RSPH6A: variants seen among roughly 807,000 people sequenced by gnomAD.
RSPH6A encodes radial spoke head 6 homolog A.
A neutral mutation model predicts 66.1 loss-of-function variants in RSPH6A; 49 were observed. The ratio of observed to expected loss-of-function variants is 0.74; its 90% CI spans 0.59 to 0.94. The LOEUF (loss-of-function observed/expected upper bound fraction) is 0.94. RSPH6A is among the 40% of genes least tolerant of loss of function. The pLI, the probability that RSPH6A is intolerant of heterozygous loss-of-function variation, is 0.00. For synonymous variants in RSPH6A, 419 were observed against 402.4 expected (o/e 1.04, Z -0.49); for missense variants, 977 against 948.3 (o/e 1.03, Z -0.40).
intron 1 of RSPH6A, 148 bp from the exon 2 acceptor site, chr19:45,810,988 ATTTATT>A (rs897952724): frequency 1.2e-5 from 6 of 497,812 alleles, no homozygotes; most frequent in African/African-American, 9.9e-5. Flanking sequence ...ACATTTATTT[ATTTATT>A]TTTATTTATT....
At chr19:45,811,259 T>C (rs1237926351) in intron 1 of RSPH6A, among the ~76,000 whole-genome samples, 1 of 152,122 alleles carries the variant, frequency 6.6e-6, no homozygotes, top group Non-Finnish European at 1.5e-5. Context: ...CCCAAAGTGC[T>C]GGGATTACAG....
At position 45,795,888 on chromosome 19, in the gene RSPH6A, CCCTCCT is replaced by C; in HGVS notation, c.2129_2134del (p.Glu710_Glu711del). On this transcript the variant is annotated inframe_deletion, in exon 6 of 6. Transcript: ENST00000221538. ...TGGGCCTCAGTCATCTGTCTCCTCG[CCCTCCT>C]CCTCCTCCTCGCCCTCCTCCTCCTC... 2 of 1,574,456 alleles carry C rather than the reference CCCTCCT, an allele frequency of 1.3e-6. No homozygotes were observed. The highest frequency in any genetic ancestry group is 8.7e-7 in the Non-Finnish European group (1 of 1,155,384).
intron 2 of RSPH6A, among the ~76,000 whole-genome samples, chr19:45,809,248 G>T (rs1373646877): frequency 1.4e-5 from 2 of 146,982 alleles, no homozygotes; most frequent in Non-Finnish European, 3.0e-5. Context: ...TGATCCACCC[G>T]CCTCGGCCTC....
intron 3 of RSPH6A, among the ~76,000 whole-genome samples, chr19:45,803,584 G>T (rs535529800): frequency 6.6e-6 from 1 of 152,018 alleles, no homozygotes; most frequent in African/African-American, 2.4e-5. Flanking sequence ...GCTGAGGTGG[G>T]AGAATTCGCT....
rs760080479 is a variant in RSPH6A at position 45,804,608 on chromosome 19, C to T, written c.1297G>A (p.Glu433Lys). 46 of 1,614,026 alleles carry T rather than the reference C, an allele frequency of 2.9e-5. No individual in the cohort carries two copies. Among genetic ancestry groups the T allele is most frequent in the South Asian group, 2.1e-4 (19 of 91,084 alleles). Residue 433 changes from glutamate (E) to lysine (K), a missense_variant, in exon 3 of 6, where the codon GAG becomes AAG. Glu to Lys is a moderately conservative substitution (Grantham distance 56). Coordinates refer to ENST00000221538, the MANE Select transcript of RSPH6A (RefSeq NM_030785.4). This position sits in a 1 kb window ranked among gnomAD's most constrained non-coding sequence, Gnocchi z 5.8. Reference sequence around the variant, plus strand: ...AGCCGCGTCCATGGCAGGCCCGGCTCGTTGCACACAAAGTACAGGTACTTG... The same window carrying T: ...AGCCGCGTCCATGGCAGGCCCGGCTTGTTGCACACAAAGTACAGGTACTTG... ...ANKYLYFVCN[E>K]PGLPWTRLPH...
intron 3 of RSPH6A, among the ~76,000 whole-genome samples, chr19:45,802,832 T>C (rs1004264212): frequency 1.5e-4 from 22 of 151,038 alleles, no homozygotes; most frequent in African/African-American, 4.9e-4. Flanking sequence ...TTCTTTTTTT[T>C]TTTTGAGATG....
At chr19:45,799,877 T>C (rs1970448888) in intron 5 of RSPH6A, among the ~76,000 whole-genome samples, 2 of 152,130 alleles carry the variant, frequency 1.3e-5, no homozygotes, top group South Asian at 2.1e-4. Context: ...TGAAATCTTG[T>C]CTCCACTAAA....
In RSPH6A at chr19:45,795,888, C is replaced by A. The variant is rs1568596022; in HGVS notation, c.2135G>T (p.Gly712Val). Reference protein sequence around the residue: ...EEEEGEEEEEGEETDD With the variant: ...EEEEGEEEEEVEETDD The stretch of plus-strand genomic sequence containing the variant: ...TGGGCCTCAGTCATCTGTCTCCTCG[C>A]CCTCCTCCTCCTCCTCGCCCTCCTC... The change falls in exon 6 of 6, where the codon GGC becomes GTC. Residue 712 changes from glycine (G) to valine (V), a missense_variant. By Grantham distance (109) the Gly-to-Val change is moderately radical (BLOSUM62 -3). Coordinates refer to ENST00000221538, the MANE Select transcript of RSPH6A (RefSeq NM_030785.4). The A allele has an allele frequency of 2.5e-6, 4 of 1,574,528 alleles. No individual in the cohort carries two copies. Among genetic ancestry groups the A allele is most frequent in the African/African-American group, 1.4e-5 (1 of 73,172 alleles).
At position 45,810,639 on chromosome 19, in the gene RSPH6A, G is replaced by A. The variant is rs372858859; in HGVS notation, c.852C>T (p.Gly284=). 7.4e-6 allele frequency: 12 copies of A among 1,613,702 alleles called. No individual in the cohort carries two copies. The highest frequency in any genetic ancestry group is 2.7e-5 in the African/African-American group (2 of 74,770). Residue 284 remains glycine, a synonymous_variant, in exon 2 of 6, where the codon GGC becomes GGT. Transcript: ENST00000221538. ...KQKALFTRSG[G]GTEGEQEMEE... is the part of the protein sequence containing the mutation. ...CCATCTCCTGTTCGCCTTCAGTGCC[G>A]CCTCCACTCCGGGTGAACAGCGCCT...
rs1970612070 is a variant in RSPH6A, at chr19:45,810,628, C to T, written c.863G>A (p.Gly288Asp). The change falls in exon 2 of 6, where the codon GGC (glycine) becomes GAC (aspartate). Residue 288 changes from glycine to aspartate, a missense_variant. Transcript: ENST00000221538. The part of the protein sequence containing the change: ...LFTRSGGGTE[G>D]EQEMEEEVGE... Reference sequence around the variant, plus strand: ...CACCTCCTCCTCCATCTCCTGTTCGCCTTCAGTGCCGCCTCCACTCCGGGT... The same window carrying T: ...CACCTCCTCCTCCATCTCCTGTTCGTCTTCAGTGCCGCCTCCACTCCGGGT... 1 of 1,614,004 alleles carries T rather than the reference C, an allele frequency of 6.2e-7. No individual in the cohort carries two copies. Among genetic ancestry groups the T allele is most frequent in the Admixed American group, 1.7e-5 (1 of 59,990 alleles).
In RSPH6A at chr19:45,810,626, C is replaced by A. The variant is rs369485410; in HGVS notation, c.865G>T (p.Glu289Ter). 3.7e-6 allele frequency: 6 copies of A among 1,613,992 alleles called. No homozygotes were observed. Among genetic ancestry groups the A allele is most frequent in the Admixed American group, 1.7e-5 (1 of 59,990 alleles). Residue 289 changes from glutamate (E) to a stop codon, truncating the protein, a stop_gained, in exon 2 of 6, where the codon GAA becomes TAA. Transcript: ENST00000221538. LOFTEE classifies it high-confidence loss of function. ...ACCACCTCCTCCTCCATCTCCTGTT[C>A]GCCTTCAGTGCCGCCTCCACTCCGG... ...FTRSGGGTEG[E>*]QEMEEEVGET...
intron 2 of RSPH6A, among the ~76,000 whole-genome samples, chr19:45,809,801 G>T (rs772693348): frequency 2.0e-5 from 3 of 152,076 alleles, no homozygotes; most frequent in African/African-American, 4.8e-5. Context: ...TCAAAGCAGT[G>T]GGGGGGCAGG....
At chr19:45,801,834 C>T (rs1970478154) in intron 4 of RSPH6A, among the ~76,000 whole-genome samples, 1 of 152,086 alleles carries the variant, frequency 6.6e-6, no homozygotes, top group African/African-American at 2.4e-5. Context: ...TGCACACACA[C>T]ACCCAGCTCC....
chr19:45,808,523 G>A (rs1970576113), intron 2 of RSPH6A, among the ~76,000 whole-genome samples: 1 of 152,074 alleles, frequency 6.6e-6, no homozygotes. Context: ...AACCTGGGAG[G>A]TGGAGGTTGC....
At position 45,810,634 on chromosome 19, in the gene RSPH6A, G is replaced by T. The variant is rs757654871; in HGVS notation, c.857C>A (p.Thr286Asn). Residue 286 changes from threonine to asparagine, a missense_variant, in exon 2 of 6, where the codon ACT becomes AAT. Physicochemically the swap from Thr to Asn is moderately conservative, Grantham distance 65. Transcript: ENST00000221538. ...KALFTRSGGG[T>N]EGEQEMEEEV... Reference sequence around the variant, plus strand: ...CTCCTCCATCTCCTGTTCGCCTTCAGTGCCGCCTCCACTCCGGGTGAACAG... The same window carrying T: ...CTCCTCCATCTCCTGTTCGCCTTCATTGCCGCCTCCACTCCGGGTGAACAG... 2.5e-6 allele frequency: 4 copies of T among 1,613,890 alleles called. No individual in the cohort carries two copies. In the Admixed American group the frequency reaches 6.7e-5, roughly 27 times the overall value.
chr19:45,801,793 CCA>C (rs35295101), intron 4 of RSPH6A, among the ~76,000 whole-genome samples: 56 of 149,624 alleles, frequency 3.7e-4, no homozygotes, highest in African/African-American at 5.6e-4. Context: ...ACCACCACCA[CCA>C]CACACACACA....
Position 45,804,897 on chromosome 19 carries a change from C to A in RSPH6A, c.1008G>T (p.Gln336His), listed in dbSNP as rs1433970853. 6.2e-7 allele frequency: 1 copy of A among 1,614,242 alleles called. No homozygotes were observed. The highest frequency in any genetic ancestry group is 1.1e-5 in the South Asian group (1 of 91,088). Reference protein sequence around the residue: ...IFLAMKQLVEQQPIHTCRFWG... With the variant: ...IFLAMKQLVEHQPIHTCRFWG... ...AGAAGCGACAGGTGTGGATGGGCTG[C>A]TGCTCCACCAGCTGTTTCATGGCCA... Residue 336 changes from glutamine (Q) to histidine (H), a missense_variant, in exon 3 of 6, where the codon CAG becomes CAT. By Grantham distance (24) the Gln-to-His change is conservative. Coordinates refer to ENST00000221538, the MANE Select transcript of RSPH6A (RefSeq NM_030785.4). This position sits in a 1 kb window ranked among gnomAD's most constrained non-coding sequence, Gnocchi z 5.8.
At chr19:45,807,539 C>T (rs747205318) in intron 2 of RSPH6A, among the ~76,000 whole-genome samples, 5 of 151,024 alleles carry the variant, frequency 3.3e-5, no homozygotes, top group African/African-American at 9.8e-5. Context: ...GAGACGGAGT[C>T]TCGCTCTGTT....
At position 45,810,736 on chromosome 19, in the gene RSPH6A, A is replaced by G. The variant is rs111424410; in HGVS notation, c.755T>C (p.Phe252Ser). 320 of 1,613,950 alleles carry G rather than the reference A, an allele frequency of 2.0e-4. 1 individual carries two copies. The African/African-American group carries it at 3.4e-3, about 17-fold the overall frequency. Residue 252 changes from phenylalanine (F) to serine (S), a missense_variant, in exon 2 of 6, where the codon TTC becomes TCC. By Grantham distance (155) the Phe-to-Ser change is radical. Coordinates refer to ENST00000221538, the MANE Select transcript of RSPH6A (RefSeq NM_030785.4). ...SLNRTTQWEW[F>S]HPKLDTLRDD... ...CCGCAGCGTGTCCAGCTTGGGGTGG[A>G]ACCACTCCCACTGCGTGGTGCGGTT... is the stretch of plus-strand genomic sequence containing the variant.
Sources: allele counts gnomAD v4.1 joint callset (sites outside exome capture counted in the v4.1 genomes callset), GRCh38; gene constraint gnomAD v4.1.1; non-coding constraint Gnocchi (gnomAD v3.1); transcripts MANE v1.5; gene names NCBI Gene and HGNC (gene_info 2026-07-23, HGNC 2026-07-21).